Variants in CLSTN2 observed in about 807,000 individuals in gnomAD.
CLSTN2 encodes calsyntenin-2.
In CLSTN2, 48 loss-of-function variants were observed where a neutral mutation model predicts 101.2. The ratio of observed to expected loss-of-function variants is 0.47; its 90% CI spans 0.38 to 0.60. The LOEUF is 0.60. CLSTN2 is among the 20% of genes least tolerant of loss of function. The pLI is 0.00. For synonymous variants in CLSTN2, 481 were observed against 463.6 expected, an observed-to-expected ratio of 1.04 and a Z score of -0.48; for missense variants, 1,160 against 1,238.2, an observed-to-expected ratio of 0.94 and a Z score of 0.95.
At chr3:140,200,938 A>G (rs2010710609) in intron 2 of CLSTN2, among the ~76,000 whole-genome samples, 1 of 152,144 alleles carries the variant, frequency 6.6e-6, no homozygotes, top group Non-Finnish European at 1.5e-5. Flanking sequence ...CCTTGATAGC[A>G]TAACCTTGAA....
At chr3:140,086,448 C>A (rs770706145) in intron 1 of CLSTN2, among the ~76,000 whole-genome samples, 5 of 152,168 alleles carry the variant, frequency 3.3e-5, no homozygotes, top group Non-Finnish European at 5.9e-5. Flanking sequence ...ATTGATAGTA[C>A]TTACCTGTAG....
At chr3:140,485,102 T>G (rs1934209328) in intron 8 of CLSTN2, among the ~76,000 whole-genome samples, 1 of 152,226 alleles carries the variant, frequency 6.6e-6, no homozygotes, top group Non-Finnish European at 1.5e-5. Flanking sequence ...TATCTACCTT[T>G]GGTCTTTGAT....
At chr3:140,543,173 G>A (rs574426019) in intron 9 of CLSTN2, among the ~76,000 whole-genome samples, 8 of 152,010 alleles carry the variant, frequency 5.3e-5, no homozygotes, top group Non-Finnish European at 1.0e-4. Flanking sequence ...GCTGCTCCAC[G>A]GAGGAGGAGG....
chr3:140,497,651 C>T (rs954663024), intron 8 of CLSTN2, among the ~76,000 whole-genome samples: 2 of 152,178 alleles, frequency 1.3e-5, no homozygotes, highest in African/African-American at 4.8e-5. Flanking sequence ...CACTTCTCAG[C>T]TCCCTGGATT....
intron 2 of CLSTN2, among the ~76,000 whole-genome samples, chr3:140,221,569 T>C (rs1429415396): frequency 6.6e-6 from 1 of 152,160 alleles, no homozygotes; most frequent in Non-Finnish European, 1.5e-5. Context: ...GAAAATTATT[T>C]GCAAACTATC....
At chr3:140,297,635 C>T (rs1202204450) in intron 2 of CLSTN2, among the ~76,000 whole-genome samples, 3 of 152,194 alleles carry the variant, frequency 2.0e-5, no homozygotes, top group African/African-American at 7.2e-5. Flanking sequence ...CCATTCTTAG[C>T]TCACAGGCCA....
intron 1 of CLSTN2, among the ~76,000 whole-genome samples, chr3:139,936,744 C>T (rs1935029536): frequency 6.6e-6 from 1 of 152,154 alleles, no homozygotes; most frequent in Non-Finnish European, 1.5e-5. Context: ...CCTCCAATAA[C>T]TTAGGAGTGA....
At chr3:139,978,961 C>G (rs929666781) in intron 1 of CLSTN2, among the ~76,000 whole-genome samples, 1 of 152,114 alleles carries the variant, frequency 6.6e-6, no homozygotes, top group African/African-American at 2.4e-5. Context: ...TCTTTTAAAA[C>G]TATGTGCCTA....
intron 8 of CLSTN2, among the ~76,000 whole-genome samples, chr3:140,527,267 GATATGAACAGATTCT>G (rs1366090211): frequency 6.6e-5 from 10 of 151,888 alleles, no homozygotes; most frequent in African/African-American, 2.4e-4. Context: ...ATGGGCAAAG[GATATGAACAGATTCT>G]TCTCAAAAGA....
chr3:140,084,538 A>C (rs867527328), intron 1 of CLSTN2, among the ~76,000 whole-genome samples: 7 of 152,342 alleles, frequency 4.6e-5, no homozygotes, highest in Middle Eastern at 3.4e-3. Context: ...AGTCTACTGA[A>C]GTCTATCAGA....
chr3:140,102,064 G>A lies in CLSTN2; in HGVS notation c.110-73887G>A, dbSNP rs74495794. 6.6e-5 allele frequency among the ~76,000 whole-genome samples: 10 copies of A among 152,298 alleles called. No individual in the cohort carries two copies. The East Asian group carries it at 1.5e-3, about 24-fold the overall frequency. On this transcript the variant is annotated intron_variant, in intron 1 of 16. Transcript: ENST00000458420. Reference sequence around the variant, plus strand: ...TTCTTAGTTCAAATTCTTGATGAAAGAGGCCATTTTCTAGGTCCTAATTTC... The same window carrying A: ...TTCTTAGTTCAAATTCTTGATGAAAAAGGCCATTTTCTAGGTCCTAATTTC...
chr3:140,189,753 T>C (rs913716983), intron 2 of CLSTN2, among the ~76,000 whole-genome samples: 2 of 152,204 alleles, frequency 1.3e-5, no homozygotes, highest in African/African-American at 4.8e-5. Context: ...ACTCCTTTAT[T>C]TGTATTTTTT....
At chr3:140,164,622 G>A (rs1195916015) in intron 1 of CLSTN2, among the ~76,000 whole-genome samples, 1 of 152,108 alleles carries the variant, frequency 6.6e-6, no homozygotes, top group African/African-American at 2.4e-5. Context: ...TCTGTCTTAG[G>A]GTGAACTTTG....
At chr3:140,239,442 T>C (rs2086441460) in intron 2 of CLSTN2, among the ~76,000 whole-genome samples, 2 of 152,208 alleles carry the variant, frequency 1.3e-5, no homozygotes, top group South Asian at 4.1e-4. Context: ...TACTTCATAC[T>C]TGTTAAAAGA....
intron 2 of CLSTN2, among the ~76,000 whole-genome samples, chr3:140,345,666 A>C (rs1363977540): frequency 1.4e-5 from 2 of 143,080 alleles, no homozygotes; most frequent in Non-Finnish European, 3.0e-5. Flanking sequence ...AAGGCCGTGC[A>C]TGTGTGTAAA....
At chr3:140,389,811 A>T (rs1472041877) in intron 2 of CLSTN2, among the ~76,000 whole-genome samples, 2 of 152,046 alleles carry the variant, frequency 1.3e-5, no homozygotes. Flanking sequence ...TTGACCTTTT[A>T]ATATCTATTT....
At chr3:140,552,188 A>C (rs1408256245) in intron 10 of CLSTN2, among the ~76,000 whole-genome samples, 1 of 152,086 alleles carries the variant, frequency 6.6e-6, no homozygotes, top group African/African-American at 2.4e-5. Flanking sequence ...GTCTCTAATA[A>C]GAAGACCATT....
intron 2 of CLSTN2, among the ~76,000 whole-genome samples, chr3:140,233,289 G>T (rs779387906): frequency 2.0e-5 from 3 of 152,002 alleles, no homozygotes; most frequent in Non-Finnish European, 4.4e-5. Flanking sequence ...CTCCGCATTC[G>T]CCAAGTCCTC....
intron 8 of CLSTN2, among the ~76,000 whole-genome samples, chr3:140,480,998 G>A (rs1460171363): frequency 2.0e-5 from 3 of 152,166 alleles, no homozygotes; most frequent in African/African-American, 4.8e-5. Context: ...TGCTTTTGGT[G>A]TTTTAGACAT....
Sources: allele counts gnomAD v4.1 joint callset (sites outside exome capture counted in the v4.1 genomes callset), GRCh38; gene constraint gnomAD v4.1.1; transcripts MANE v1.5; gene names NCBI Gene and HGNC (gene_info 2026-07-23, HGNC 2026-07-21).